UXS1: variants seen among roughly 807,000 people sequenced by gnomAD.
The protein encoded by UXS1 is UDP-glucuronic acid decarboxylase 1.
Under a neutral mutation model 62.6 loss-of-function variants are expected in UXS1, and 33 were observed. The ratio of observed to expected loss-of-function variants is 0.53; its 90% CI spans 0.40 to 0.70. The LOEUF is 0.70. Among genes scored for constraint, UXS1 ranks in the 30% least tolerant of loss-of-function variants. UXS1 has a pLI of 0.00. For synonymous variants in UXS1, 213 were observed against 206.8 expected, an observed-to-expected ratio of 1.03 and a Z score of -0.26; for missense variants, 434 against 556.3, an observed-to-expected ratio of 0.78 and a Z score of 2.21.
rs763949668 is a variant in UXS1, at chr2:106,101,118, G to A, written c.924C>T (p.Ser308=). Residue 308 remains serine (S), a splice_region_variant and synonymous_variant, in exon 12 of 15, where the codon AGC becomes AGT. Coordinates refer to ENST00000283148, the MANE Select transcript of UXS1 (RefSeq NM_001253875.2). ...GAGCCACGAGGCCATTCACTAGATC[G>A]CTGGAAAAAAAGGGGAGGCAGGTGA... ...GSQTRAFQYV[S]DLVNGLVALM... The A allele has an allele frequency of 1.5e-5, 24 of 1,612,638 alleles. No individual in the cohort carries two copies. The highest frequency in any genetic ancestry group is 8.9e-5 in the East Asian group (4 of 44,870).
chr2:106,149,488 T>C (rs985761111), intron 5 of UXS1, among the ~76,000 whole-genome samples: 11 of 152,208 alleles, frequency 7.2e-5, no homozygotes, highest in African/African-American at 2.4e-4. Context: ...GTGTTCCACA[T>C]AGAAGCACGA....
chr2:106,108,962 C>T (rs556213754), intron 10 of UXS1, among the ~76,000 whole-genome samples: 2 of 145,176 alleles, frequency 1.4e-5, no homozygotes, highest in African/African-American at 4.9e-5. Context: ...TCTGATCACC[C>T]TCGACATCTG....
chr2:106,131,376 G>C (rs779219881), intron 6 of UXS1, among the ~76,000 whole-genome samples: 1 of 28,458 alleles, frequency 3.5e-5, no homozygotes, highest in Non-Finnish European at 1.2e-4. Context: ...CAAAGCAGCC[G>C]GGAAGCTCGA....
chr2:106,125,490 A>ACAAGAG (rs1232387174), intron 8 of UXS1, 130 bp downstream of exon 8: 19 of 804,476 alleles, frequency 2.4e-5, no homozygotes, highest in Non-Finnish European at 2.3e-5. Flanking sequence ...GCCGACAGGT[A>ACAAGAG]GCCTCCTGTG....
intron 3 of UXS1, among the ~76,000 whole-genome samples, chr2:106,164,435 T>C (rs1409797292): frequency 6.6e-6 from 1 of 152,174 alleles, no homozygotes; most frequent in Non-Finnish European, 1.5e-5. Context: ...AGGATGTTTG[T>C]ACTCATCTCT....
At chr2:106,126,425 G>C (rs971472851) in intron 7 of UXS1, among the ~76,000 whole-genome samples, 10 of 152,122 alleles carry the variant, frequency 6.6e-5, no homozygotes, top group African/African-American at 2.4e-4. Context: ...TACACTAGAG[G>C]GGGGCTGTGC....
intron 1 of UXS1, among the ~76,000 whole-genome samples, chr2:106,179,825 C>T (rs1184663662): frequency 1.3e-5 from 2 of 152,148 alleles, no homozygotes; most frequent in African/African-American, 2.4e-5. Context: ...ATTTCCTCCA[C>T]GGCCAGGTGT....
At chr2:106,185,343 C>A (rs1022386608) in intron 1 of UXS1, among the ~76,000 whole-genome samples, 11 of 152,162 alleles carry the variant, frequency 7.2e-5, no homozygotes. Flanking sequence ...TAAAGATGCC[C>A]AAGTCTTAAA....
chr2:106,175,088 G>A (rs1683797122), intron 1 of UXS1, among the ~76,000 whole-genome samples: 1 of 152,210 alleles, frequency 6.6e-6, no homozygotes, highest in East Asian at 1.9e-4. Flanking sequence ...AAGCCTCCTG[G>A]AATGTGAAAG....
intron 6 of UXS1, among the ~76,000 whole-genome samples, chr2:106,144,224 C>T (rs1420472874): frequency 1.3e-5 from 2 of 152,236 alleles, no homozygotes; most frequent in Non-Finnish European, 2.9e-5. Flanking sequence ...TTTACAAAAA[C>T]TACAGCTTCA....
intron 10 of UXS1, among the ~76,000 whole-genome samples, chr2:106,110,217 G>T (rs1573419175): frequency 6.6e-6 from 1 of 152,212 alleles, no homozygotes; most frequent in South Asian, 2.1e-4. Flanking sequence ...TACAGAGACT[G>T]AAGCCCACCA....
At chr2:106,192,701 T>G (rs1363980984) in intron 1 of UXS1, among the ~76,000 whole-genome samples, 1 of 152,196 alleles carries the variant, frequency 6.6e-6, no homozygotes, top group Non-Finnish European at 1.5e-5. Flanking sequence ...CCCAGGCCTT[T>G]CTGGGTTCAA....
chr2:106,151,994 C>T lies in UXS1; in HGVS notation c.291+6064G>A, dbSNP rs190381458. 8.3e-4 allele frequency among the ~76,000 whole-genome samples: 127 copies of T among 152,290 alleles called. 1 individual carries two copies. The highest frequency in any genetic ancestry group is 2.9e-3 in the African/African-American group (121 of 41,558). Reference sequence around the variant, plus strand: ...CTAGGTGATGGGTAAAAGAACAAAACAACCTGTGTACTAGTCATTTCAACA... The same window carrying T: ...CTAGGTGATGGGTAAAAGAACAAAATAACCTGTGTACTAGTCATTTCAACA... On this transcript the variant is annotated intron_variant, in intron 5 of 14. Transcript: ENST00000283148.
chr2:106,146,586 C>T (rs1164292810), intron 5 of UXS1, among the ~76,000 whole-genome samples: 1 of 151,654 alleles, frequency 6.6e-6, no homozygotes, highest in Non-Finnish European at 1.5e-5. Flanking sequence ...CAAGACCAGT[C>T]GGGCCAACAT....
chr2:106,136,957 A>AAC (rs1558711090), intron 6 of UXS1, among the ~76,000 whole-genome samples: 17 of 142,510 alleles, frequency 1.2e-4, no homozygotes, highest in African/African-American at 2.3e-4. Context: ...AGAAGTCAAG[A>AAC]ACACACACAA....
At chr2:106,136,959 C>T (rs1197446232) in intron 6 of UXS1, among the ~76,000 whole-genome samples, 1 of 86,726 alleles carries the variant, frequency 1.2e-5, no homozygotes, top group East Asian at 3.1e-4. Flanking sequence ...AAGTCAAGAA[C>T]ACACACAAAA....
At chr2:106,137,228 T>C (rs775588436) in intron 6 of UXS1, among the ~76,000 whole-genome samples, 4 of 152,156 alleles carry the variant, frequency 2.6e-5, no homozygotes, top group Admixed American at 6.5e-5. Context: ...CAAACTAATA[T>C]TGTATTATAC....
rs568278648 is a variant in UXS1 at position 106,150,451 on chromosome 2, G to C, written c.292-5081C>G. On this transcript the variant is annotated intron_variant, in intron 5 of 14. Transcript: ENST00000283148. ...GGCCAACGTTTCCAGAGAGGTGCTC[G>C]AGGTCACCATTCATTGCCCTGTGCT... is the stretch of plus-strand genomic sequence containing the variant. 5.9e-5 allele frequency among the ~76,000 whole-genome samples: 9 copies of C among 152,296 alleles called. No individual in the cohort carries two copies. The East Asian group carries it at 1.4e-3, about 23-fold the overall frequency.
In UXS1 at chr2:106,119,828, G is replaced by A. The variant is rs569162950; in HGVS notation, c.759+3142C>T. Among the ~76,000 whole-genome samples the A allele has an allele frequency of 2.6e-5, 4 of 152,200 alleles. No homozygotes were observed. In the East Asian group the frequency reaches 5.8e-4, roughly 22 times the overall value. On this transcript the variant is annotated intron_variant, in intron 9 of 14. Coordinates refer to ENST00000283148, the MANE Select transcript of UXS1 (RefSeq NM_001253875.2). ...ATCATCTCAACGTCTTCATTTCAACGTTTTATATCTCTCACAATCTTTATA... is the reference window on the plus strand; with the variant it reads ...ATCATCTCAACGTCTTCATTTCAACATTTTATATCTCTCACAATCTTTATA...
Sources: gnomAD v4.1 joint callset for allele counts (sites outside exome capture counted in the v4.1 genomes callset) on GRCh38, gnomAD v4.1.1 for gene constraint, MANE v1.5 for transcripts, NCBI Gene and HGNC (gene_info 2026-07-23, HGNC 2026-07-21) for gene names.